Variants in HPSE2 observed in about 807,000 individuals in gnomAD.
The protein encoded by HPSE2 is heparanase 2 (inactive).
HPSE2 carries 38 observed loss-of-function variants against 60.5 expected under a neutral mutation model. That is an observed-to-expected ratio of 0.63 (90% CI 0.48 to 0.82). HPSE2 has a LOEUF of 0.82. Among genes scored for constraint, HPSE2 ranks in the 40% least tolerant of loss-of-function variants. The pLI is 0.00. For synonymous variants in HPSE2, 295 were observed against 293.2 expected, an observed-to-expected ratio of 1.01 and a Z score of -0.06; for missense variants, 713 against 740.4, an observed-to-expected ratio of 0.96 and a Z score of 0.43.
intron 2 of HPSE2, among the ~76,000 whole-genome samples, chr10:99,212,960 C>G (rs534158328): frequency 6.6e-6 from 1 of 152,210 alleles, no homozygotes; most frequent in Non-Finnish European, 1.5e-5. Context: ...AATGTTTATT[C>G]CCTTCCTTTC....
intron 9 of HPSE2, among the ~76,000 whole-genome samples, chr10:98,553,038 T>G (rs930539535): frequency 6.6e-6 from 1 of 152,238 alleles, no homozygotes; most frequent in African/African-American, 2.4e-5. Flanking sequence ...AAGCAGGATA[T>G]AAATTATTTT....
chr10:98,792,494 T>A (rs781301759), intron 3 of HPSE2, among the ~76,000 whole-genome samples: 1 of 152,138 alleles, frequency 6.6e-6, no homozygotes, highest in Admixed American at 6.6e-5. Context: ...TAGACCTCCA[T>A]GGGGAACAGC....
chr10:98,467,884 T>C (rs1220552097), intron 11 of HPSE2, among the ~76,000 whole-genome samples: 1 of 152,248 alleles, frequency 6.6e-6, no homozygotes, highest in Admixed American at 6.5e-5. Flanking sequence ...CTGCAATTCC[T>C]GCAGGGGTGC....
At chr10:98,638,136 T>TAA (rs1946545404) in intron 7 of HPSE2, among the ~76,000 whole-genome samples, 1 of 20,836 alleles carries the variant, frequency 4.8e-5, no homozygotes, top group African/African-American at 2.2e-4. Flanking sequence ...GAGACCCATC[T>TAA]CAAAAAAAAA....
intron 3 of HPSE2, among the ~76,000 whole-genome samples, chr10:99,036,397 T>C (rs1464749227): frequency 3.3e-5 from 5 of 151,922 alleles, no homozygotes; most frequent in African/African-American, 1.2e-4. Context: ...ATGAGACATA[T>C]CTAAAAAACA....
chr10:98,567,394 T>C (rs1004646176), intron 9 of HPSE2, among the ~76,000 whole-genome samples: 3 of 152,072 alleles, frequency 2.0e-5, no homozygotes, highest in Non-Finnish European at 4.4e-5. Context: ...GGTGAGAGAT[T>C]TGGGGTGTAA....
chr10:98,702,312 A>T (rs1221832194), intron 5 of HPSE2, among the ~76,000 whole-genome samples: 1 of 152,166 alleles, frequency 6.6e-6, no homozygotes, highest in Non-Finnish European at 1.5e-5. Flanking sequence ...TTCATAATAC[A>T]AGTTCTTAGA....
chr10:98,686,707 T>C (rs1030421611), intron 6 of HPSE2, among the ~76,000 whole-genome samples: 18 of 152,234 alleles, frequency 1.2e-4, no homozygotes, highest in Non-Finnish European at 2.4e-4. Context: ...TTGAAGTGTG[T>C]TATTTATTTC....
intron 3 of HPSE2, among the ~76,000 whole-genome samples, chr10:98,922,583 T>C (rs968138477): frequency 6.6e-6 from 1 of 152,076 alleles, no homozygotes; most frequent in Admixed American, 6.6e-5. Flanking sequence ...CCTGTATACG[T>C]GGAATTAATT....
At chr10:99,061,582 T>G (rs1489446560) in intron 3 of HPSE2, among the ~76,000 whole-genome samples, 1 of 152,204 alleles carries the variant, frequency 6.6e-6, no homozygotes, top group Non-Finnish European at 1.5e-5. Flanking sequence ...GTAGATGTCC[T>G]GGAATATAAT....
chr10:99,238,694 G>A (rs1457769604), upstream of HPSE2, among the ~76,000 whole-genome samples: 2 of 152,172 alleles, frequency 1.3e-5, no homozygotes, highest in African/African-American at 4.8e-5. Flanking sequence ...CCATATCATG[G>A]TTTTTGTCTT....
intron 3 of HPSE2, among the ~76,000 whole-genome samples, chr10:98,751,270 G>GC (rs1949751863): frequency 6.6e-6 from 1 of 152,000 alleles, no homozygotes; most frequent in African/African-American, 2.4e-5. Flanking sequence ...CAAATTGATG[G>GC]CCCCCTCTAA....
chr10:98,759,926 G>T (rs1234273641), intron 3 of HPSE2, among the ~76,000 whole-genome samples: 1 of 151,760 alleles, frequency 6.6e-6, no homozygotes, highest in Non-Finnish European at 1.5e-5. Flanking sequence ...ATAAACATGG[G>T]TATCTTCCCA....
intron 4 of HPSE2, among the ~76,000 whole-genome samples, chr10:98,723,801 G>A (rs978670575): frequency 5.9e-5 from 9 of 152,126 alleles, no homozygotes; most frequent in South Asian, 2.1e-4. Flanking sequence ...CTGTGGGATC[G>A]GTGGTGATAT....
At chr10:98,741,175 G>C (rs1949487378) in intron 4 of HPSE2, among the ~76,000 whole-genome samples, 1 of 152,046 alleles carries the variant, frequency 6.6e-6, no homozygotes, top group Non-Finnish European at 1.5e-5. Context: ...TAGATTTTCT[G>C]ACGAGATTCA....
chr10:98,737,565 C>A (rs1445886118), intron 4 of HPSE2, among the ~76,000 whole-genome samples: 2 of 152,140 alleles, frequency 1.3e-5, no homozygotes, highest in Admixed American at 6.6e-5. Context: ...CCCCACCCTG[C>A]TTCTGCTCAC....
chr10:98,979,187 G>A (rs1424320681), intron 3 of HPSE2, among the ~76,000 whole-genome samples: 2 of 151,994 alleles, frequency 1.3e-5, no homozygotes, highest in Non-Finnish European at 2.9e-5. Context: ...ACCAGCTAGA[G>A]GTAAACCTTC....
intron 2 of HPSE2, among the ~76,000 whole-genome samples, chr10:99,162,307 G>T (rs1172417184): frequency 6.6e-6 from 1 of 152,032 alleles, no homozygotes; most frequent in African/African-American, 2.4e-5. Context: ...TAAAACCTTG[G>T]GACTTCAAAT....
intron 3 of HPSE2, among the ~76,000 whole-genome samples, chr10:98,897,002 C>A (rs1014913236): frequency 2.6e-5 from 4 of 152,168 alleles, no homozygotes; most frequent in Admixed American, 2.6e-4. Context: ...GTCACTGGGA[C>A]ATTCTGCCAA....
Sources: gnomAD v4.1 joint callset for allele counts (sites outside exome capture counted in the v4.1 genomes callset) on GRCh38, gnomAD v4.1.1 for gene constraint, MANE v1.5 for transcripts, NCBI Gene and HGNC (gene_info 2026-07-23, HGNC 2026-07-21) for gene names.